The following PLCB4 variants were observed in gnomAD, a reference collection of about 807,000 sequenced individuals.
The protein encoded by PLCB4 is phospholipase C beta 4.
A neutral mutation model predicts 178.8 loss-of-function variants in PLCB4; 77 were observed. The ratio of observed to expected loss-of-function variants is 0.43; its 90% CI spans 0.36 to 0.52. The LOEUF is 0.52. Ranked by LOEUF, PLCB4 falls within the 20% of genes least tolerant of loss-of-function variation. The probability of loss-of-function intolerance (pLI) is 0.00; values close to 1 mark genes in which losing one functional copy is unlikely to be tolerated. For missense variants in PLCB4, 1,024 were observed against 1,453.4 expected (o/e 0.70, Z 4.80); for synonymous variants, 496 against 490.8 (o/e 1.01, Z -0.14).
At chr20:9,386,400 T>C in intron 14 of PLCB4, among the ~76,000 whole-genome samples, 1 of 152,214 alleles carries the variant, frequency 6.6e-6, no homozygotes, top group Non-Finnish European at 1.5e-5. Flanking sequence ...ATTTAAAATA[T>C]GGCAAAAATG....
chr20:9,167,595 C>A (rs1007788162), intron 2 of PLCB4, among the ~76,000 whole-genome samples: 1 of 152,092 alleles, frequency 6.6e-6, no homozygotes, highest in East Asian at 1.9e-4. Flanking sequence ...TGTAAAATTC[C>A]TTTCTGAAAT....
chr20:9,428,472 G>C (rs2041178827), intron 28 of PLCB4, among the ~76,000 whole-genome samples: 1 of 152,148 alleles, frequency 6.6e-6, no homozygotes, highest in Non-Finnish European at 1.5e-5. Flanking sequence ...ATGCCCAAGG[G>C]GAGGGGGAGA....
At chr20:9,448,463 C>T (rs2042549979) in intron 32 of PLCB4, among the ~76,000 whole-genome samples, 1 of 152,192 alleles carries the variant, frequency 6.6e-6, no homozygotes, top group South Asian at 2.1e-4. Context: ...AGTCTATATC[C>T]AGCAACTGTA....
intron 9 of PLCB4, among the ~76,000 whole-genome samples, chr20:9,367,983 CCAGAAAAAAAAT>C (rs2035924297): frequency 6.6e-6 from 1 of 151,820 alleles, no homozygotes; most frequent in Non-Finnish European, 1.5e-5. Context: ...TGATACCATG[CCAGAAAAAAAAT>C]CAGATAACTC....
intron 7 of PLCB4, among the ~76,000 whole-genome samples, chr20:9,355,923 AGT>A (rs1274268555): frequency 6.6e-6 from 1 of 152,184 alleles, no homozygotes; most frequent in East Asian, 1.9e-4. Context: ...ACAGTGCAAA[AGT>A]GTTCCCACCC....
chr20:9,437,217 T>C (rs2041828677), intron 30 of PLCB4, 65 bp downstream of exon 30: 2 of 1,384,126 alleles, frequency 1.4e-6, no homozygotes, highest in Non-Finnish European at 2.0e-6. Context: ...GTACAATATC[T>C]ATAGCTTTAG....
At chr20:9,118,036 C>A (rs1258922775) in intron 2 of PLCB4, among the ~76,000 whole-genome samples, 1 of 151,814 alleles carries the variant, frequency 6.6e-6, no homozygotes, top group Non-Finnish European at 1.5e-5. Flanking sequence ...AAAGCTTTGT[C>A]TAAAGTGTTG....
intron 2 of PLCB4, among the ~76,000 whole-genome samples, chr20:9,155,779 T>G (rs113669143): frequency 6.8e-4 from 104 of 152,278 alleles, no homozygotes; most frequent in African/African-American, 2.3e-3. Flanking sequence ...CCCCATTTCC[T>G]TTGTGCTCTG....
intron 2 of PLCB4, among the ~76,000 whole-genome samples, chr20:9,188,407 G>A (rs907369988): frequency 6.6e-6 from 1 of 152,230 alleles, no homozygotes; most frequent in Non-Finnish European, 1.5e-5. Context: ...GGGTTGGGGA[G>A]TAGGACTGGT....
At chr20:9,470,523 A>G (rs964468228) in intron 36 of PLCB4, among the ~76,000 whole-genome samples, 1 of 152,228 alleles carries the variant, frequency 6.6e-6, no homozygotes, top group Non-Finnish European at 1.5e-5. Context: ...ATTAACCATG[A>G]CAAATGTGCC....
chr20:9,161,726 G>A (rs1317405395), intron 2 of PLCB4, among the ~76,000 whole-genome samples: 2 of 152,164 alleles, frequency 1.3e-5, no homozygotes, highest in African/African-American at 4.8e-5. Flanking sequence ...AATAAAGTAT[G>A]TAGACAAAAT....
At chr20:9,344,965 C>T (rs534985742) in intron 7 of PLCB4, among the ~76,000 whole-genome samples, 3 of 152,242 alleles carry the variant, frequency 2.0e-5, no homozygotes, top group South Asian at 2.1e-4. Context: ...CGCTAATAGG[C>T]GAGTCTTATA....
intron 3 of PLCB4, among the ~76,000 whole-genome samples, chr20:9,251,078 G>A (rs1374335809): frequency 6.6e-6 from 1 of 152,218 alleles, no homozygotes; most frequent in Non-Finnish European, 1.5e-5. Context: ...TGTTGGGCAA[G>A]GGACAAATTT....
chr20:9,200,674 C>G (rs2093532486), intron 2 of PLCB4, among the ~76,000 whole-genome samples: 1 of 152,158 alleles, frequency 6.6e-6, no homozygotes, highest in Non-Finnish European at 1.5e-5. Context: ...GGTCTCTTCA[C>G]CCTTGCAGAA....
At chr20:9,427,972 G>T (rs938711939) in intron 28 of PLCB4, among the ~76,000 whole-genome samples, 1 of 152,028 alleles carries the variant, frequency 6.6e-6, no homozygotes, top group African/African-American at 2.4e-5. Flanking sequence ...TTTATGTCAG[G>T]GAAGATGAAG....
chr20:9,079,833 T>G (rs983981959), intron 1 of PLCB4, among the ~76,000 whole-genome samples: 1 of 21,744 alleles, frequency 4.6e-5, no homozygotes, highest in Non-Finnish European at 1.1e-4. Flanking sequence ...TTAAAAAAAT[T>G]TTTTTTTTAG....
chr20:9,323,582 A>C (rs937401301), intron 4 of PLCB4, among the ~76,000 whole-genome samples: 1 of 152,230 alleles, frequency 6.6e-6, no homozygotes, highest in Admixed American at 6.5e-5. Flanking sequence ...AAAGCCCCAA[A>C]GAACTGGAAC....
chr20:9,337,967 A>G (rs780955259), intron 5 of PLCB4, 41 bp from the exon 6 acceptor site: 17 of 1,524,550 alleles, frequency 1.1e-5, no homozygotes, highest in Non-Finnish European at 2.7e-6. Flanking sequence ...TAGGTATGGC[A>G]TAATTTAAGC....
chr20:9,288,302 G>A (rs1233446313), intron 3 of PLCB4, among the ~76,000 whole-genome samples: 4 of 151,762 alleles, frequency 2.6e-5, no homozygotes, highest in Non-Finnish European at 1.5e-5. Context: ...CTGCGTTAAG[G>A]TTTCAACAAG....
Sources: gnomAD v4.1 joint callset for allele counts (sites outside exome capture counted in the v4.1 genomes callset) on GRCh38, gnomAD v4.1.1 for gene constraint, MANE v1.5 for transcripts, NCBI Gene and HGNC (gene_info 2026-07-23, HGNC 2026-07-21) for gene names.